The following KALRN variants were observed in gnomAD, a reference collection of about 807,000 sequenced individuals.
The protein encoded by KALRN is kalirin.
KALRN carries 70 observed loss-of-function variants against 353.7 expected under a neutral mutation model. The ratio of observed to expected loss-of-function variants is 0.20; its 90% CI spans 0.16 to 0.24. The LOEUF is 0.24. Ranked by LOEUF, KALRN falls within the 10% of genes least tolerant of loss-of-function variation. The probability of loss-of-function intolerance (pLI) is 1.00; values close to 1 mark genes in which losing one functional copy is unlikely to be tolerated. For missense variants in KALRN, 2,791 were observed against 3,756.7 expected, an observed-to-expected ratio of 0.74 and a Z score of 6.72; for synonymous variants, 1,391 against 1,434.8, an observed-to-expected ratio of 0.97 and a Z score of 0.69.
intron 33 of KALRN, among the ~76,000 whole-genome samples, chr3:124,548,742 C>T (rs914447344): frequency 1.6e-4 from 24 of 152,356 alleles, no homozygotes; most frequent in African/African-American, 5.8e-4. Flanking sequence ...CAACCTCCAC[C>T]TCCTGGGTTC....
At position 124,187,012 on chromosome 3, in the gene KALRN, C is replaced by T. The variant is rs114918485; in HGVS notation, c.74-40978C>T. 7.4e-3 allele frequency among the ~76,000 whole-genome samples: 1,121 copies of T among 152,224 alleles called. 13 individuals are homozygous for T. The highest frequency in any genetic ancestry group is 0.026 in the African/African-American group (1,065 of 41,524). ...GCATTGCTCAGAGCTCACCTTGGTGCGGGTGGGATATCTTGCTGAAAGACA... is the reference window on the plus strand; with the variant it reads ...GCATTGCTCAGAGCTCACCTTGGTGTGGGTGGGATATCTTGCTGAAAGACA... On this transcript the variant is annotated intron_variant, in intron 1 of 59. Transcript: ENST00000682506.
At chr3:124,322,072 A>G (rs999343394) in intron 6 of KALRN, among the ~76,000 whole-genome samples, 2 of 152,224 alleles carry the variant, frequency 1.3e-5, no homozygotes, top group Non-Finnish European at 2.9e-5. Context: ...GGAAGGGGCT[A>G]AAGAGGAGAG....
intron 17 of KALRN, among the ~76,000 whole-genome samples, chr3:124,437,438 C>A (rs138413373): frequency 6.6e-6 from 1 of 152,182 alleles, no homozygotes; most frequent in Non-Finnish European, 1.5e-5. Flanking sequence ...GCCTATAATC[C>A]CAGCACTTTG....
chr3:124,271,709 C>T (rs1470311801), intron 5 of KALRN, among the ~76,000 whole-genome samples: 1 of 152,198 alleles, frequency 6.6e-6, no homozygotes, highest in Non-Finnish European at 1.5e-5. Flanking sequence ...CTGAACACCA[C>T]CTGTTAGCCC....
At chr3:124,179,587 A>T (rs1451517446) in intron 1 of KALRN, among the ~76,000 whole-genome samples, 3 of 152,244 alleles carry the variant, frequency 2.0e-5, no homozygotes, top group Non-Finnish European at 4.4e-5. Flanking sequence ...TATGCATTGT[A>T]CATAATTGTA....
intron 33 of KALRN, among the ~76,000 whole-genome samples, chr3:124,543,502 T>C (rs1486131511): frequency 1.3e-5 from 2 of 151,908 alleles, no homozygotes; most frequent in Non-Finnish European, 2.9e-5. Flanking sequence ...GGGGTTTCAC[T>C]GTGTTAGCCA....
At chr3:124,384,639 GA>G (rs1296776189) in intron 10 of KALRN, 5 of 477,764 alleles carry the variant, frequency 1.0e-5, no homozygotes, top group Admixed American at 7.1e-5. Flanking sequence ...CCCAGGGGTG[GA>G]TGAGGCACCT....
At position 124,269,164 on chromosome 3, in the gene KALRN, C is replaced by T; in HGVS notation, c.878C>T (p.Thr293Ile). The change falls in exon 5 of 60, where the codon ACC (threonine) becomes ATC (isoleucine). Residue 293 changes from threonine (T) to isoleucine (I), a missense_variant. Physicochemically the swap from Thr to Ile is moderately conservative, Grantham distance 89. Transcript: ENST00000682506. ...ITSLLDKLHS[T>I]RQHLHQMWHV... ...AGTCTCCTGGACAAGCTGCACTCCA[C>T]CCGGCAGCACCTGCACCAGATGTGG... The T allele has an allele frequency of 1.2e-6, 2 of 1,613,108 alleles. No homozygotes were observed. Among genetic ancestry groups the T allele is most frequent in the Non-Finnish European group, 1.7e-6 (2 of 1,179,570 alleles).
At chr3:124,377,150 C>T (rs116754751) in intron 10 of KALRN, among the ~76,000 whole-genome samples, 2,386 of 152,172 alleles carry the variant, frequency 0.016, 38 homozygotes, top group African/African-American at 0.044. Flanking sequence ...AGTTATTTTA[C>T]GTCTCTGAGC....
intron 1 of KALRN, among the ~76,000 whole-genome samples, chr3:124,097,007 T>C (rs2061495279): frequency 6.6e-6 from 1 of 152,238 alleles, no homozygotes; most frequent in Non-Finnish European, 1.5e-5. Context: ...TAATGTGAAG[T>C]TTTAGACCAG....
chr3:124,392,782 T>C (rs981288143), intron 11 of KALRN, among the ~76,000 whole-genome samples: 1 of 144,764 alleles, frequency 6.9e-6, no homozygotes, highest in Non-Finnish European at 1.5e-5. Context: ...TTTTTGTATT[T>C]TTTTTTATTT....
intron 13 of KALRN, among the ~76,000 whole-genome samples, chr3:124,399,339 C>T (rs1221790243): frequency 3.9e-5 from 6 of 152,030 alleles, no homozygotes; most frequent in African/African-American, 1.5e-4. Context: ...GGTTTCACCA[C>T]GTTGGTCAGG....
chr3:124,234,222 G>A lies in KALRN; in HGVS notation c.149-607G>A, dbSNP rs540465142. Among the ~76,000 whole-genome samples, 21 of 152,292 alleles carry A rather than the reference G, an allele frequency of 1.4e-4. No individual in the cohort carries two copies. The South Asian group carries it at 4.1e-3, about 30-fold the overall frequency. ...CTGATAAGATTCATGTGCTCCTCTA[G>A]CAGGAGTGACAGGTGGCACCTCAGG... On this transcript the variant is annotated intron_variant, in intron 2 of 59. Coordinates refer to ENST00000682506, the MANE Select transcript of KALRN (RefSeq NM_001388419.1).
chr3:124,392,960 C>T (rs1203700114), intron 11 of KALRN, among the ~76,000 whole-genome samples: 9 of 131,086 alleles, frequency 6.9e-5, no homozygotes, highest in African/African-American at 2.6e-4. Flanking sequence ...ACCACAGTCC[C>T]CAGAGTGTGA....
chr3:124,542,245 G>T (rs1038228373), intron 33 of KALRN, among the ~76,000 whole-genome samples: 2 of 152,128 alleles, frequency 1.3e-5, no homozygotes, highest in South Asian at 4.1e-4. Context: ...TGAAAGTAAT[G>T]GAAAATAGAA....
intron 1 of KALRN, among the ~76,000 whole-genome samples, chr3:124,107,618 C>T (rs1001965682): frequency 6.6e-6 from 1 of 152,110 alleles, no homozygotes; most frequent in Non-Finnish European, 1.5e-5. Context: ...AGTAAGAACC[C>T]TGGTGTTGAC....
intron 3 of KALRN, among the ~76,000 whole-genome samples, chr3:124,248,405 G>C (rs1408536104): frequency 6.6e-6 from 1 of 152,236 alleles, no homozygotes; most frequent in Non-Finnish European, 1.5e-5. Flanking sequence ...TGGGTGGACT[G>C]GCACTGTGGC....
intron 3 of KALRN, among the ~76,000 whole-genome samples, chr3:124,240,490 G>A (rs1028255609): frequency 9.9e-5 from 15 of 152,194 alleles, no homozygotes; most frequent in East Asian, 5.8e-4. Flanking sequence ...TAAGAGAGAG[G>A]AGAGCTTTGT....
At chr3:124,069,124 T>C (rs1283658605) in intron 1 of KALRN, among the ~76,000 whole-genome samples, 1 of 151,962 alleles carries the variant, frequency 6.6e-6, no homozygotes, top group Non-Finnish European at 1.5e-5. Flanking sequence ...CTCATTAATC[T>C]TTAAAATGAC....
Sources: gnomAD v4.1 joint callset for allele counts (sites outside exome capture counted in the v4.1 genomes callset) on GRCh38, gnomAD v4.1.1 for gene constraint, MANE v1.5 for transcripts, NCBI Gene and HGNC (gene_info 2026-07-23, HGNC 2026-07-21) for gene names.